The following SSX2IP variants were observed in gnomAD, a reference collection of about 807,000 sequenced individuals.
SSX2IP encodes the protein afadin- and alpha-actinin-binding protein.
SSX2IP carries 55 observed loss-of-function variants against 84.9 expected under a neutral mutation model. The observed-to-expected ratio is 0.65, with a 90% CI of 0.52 to 0.81. The LOEUF (loss-of-function observed/expected upper bound fraction) is 0.81, where lower values mean the gene tolerates loss of function less well. Ranked by LOEUF, SSX2IP falls within the 30% of genes least tolerant of loss-of-function variation. The pLI, the probability that SSX2IP is intolerant of heterozygous loss-of-function variation, is 0.00. For missense variants in SSX2IP, 664 were observed against 705.2 expected, an observed-to-expected ratio of 0.94 and a Z score of 0.66; for synonymous variants, 239 against 234.7, an observed-to-expected ratio of 1.02 and a Z score of -0.17.
intron 1 of SSX2IP, among the ~76,000 whole-genome samples, chr1:84,686,725 G>A (rs1655850727): frequency 6.6e-6 from 1 of 152,164 alleles, no homozygotes; most frequent in Admixed American, 6.6e-5. Context: ...AAAGCCAAGG[G>A]AGAAGACTTT....
intron 1 of SSX2IP, among the ~76,000 whole-genome samples, chr1:84,682,593 T>G (rs911704574): frequency 8.6e-5 from 13 of 151,522 alleles, no homozygotes; most frequent in African/African-American, 2.9e-4. Flanking sequence ...CAACCTCTGC[T>G]TCCTGGGTTC....
chr1:84,670,039 T>G, intron 3 of SSX2IP, 146 bp from the exon 4 acceptor site: 2 of 587,456 alleles, frequency 3.4e-6, no homozygotes, highest in Non-Finnish European at 3.0e-6. Flanking sequence ...ACGTACTATA[T>G]TCCTGAAATT....
At chr1:84,663,461 A>C (rs2102345029) in intron 6 of SSX2IP, among the ~76,000 whole-genome samples, 1 of 152,318 alleles carries the variant, frequency 6.6e-6, no homozygotes, top group Middle Eastern at 3.4e-3. Flanking sequence ...AGTAAGATTA[A>C]CTCAGGATAC....
chr1:84,663,170 CT>C (rs1557492235), intron 6 of SSX2IP, among the ~76,000 whole-genome samples: 1 of 152,110 alleles, frequency 6.6e-6, no homozygotes, highest in Non-Finnish European at 1.5e-5. Context: ...GTAATATCTT[CT>C]GCTGCAGGTG....
At position 84,669,885 on chromosome 1, in the gene SSX2IP, A is replaced by G; in HGVS notation, c.222T>C (p.Thr74=). 1 of 1,612,508 alleles carries G rather than the reference A, an allele frequency of 6.2e-7. No homozygotes were observed. The highest frequency in any genetic ancestry group is 8.5e-7 in the Non-Finnish European group (1 of 1,179,114). The part of the protein sequence containing the change: ...QSISYLDQEL[T]TFGFPSLYEE... ...CATATAATGAAGGAAAACCAAAAGT[A>G]GTCAATTCCTGGTAGGAGAAAATGT... is the stretch of plus-strand genomic sequence containing the variant. Residue 74 remains threonine (T), a synonymous_variant, in exon 4 of 14, where the codon ACT becomes ACC. Coordinates refer to ENST00000342203, the MANE Select transcript of SSX2IP (RefSeq NM_001166293.2).
At chr1:84,670,565 G>T in intron 3 of SSX2IP, 81 bp downstream of exon 3, 1 of 1,032,602 alleles carries the variant, frequency 9.7e-7, no homozygotes, top group Non-Finnish European at 1.4e-6. Flanking sequence ...ACTTGTGTTT[G>T]ACAAATGTTT....
At chr1:84,679,321 AC>A (rs1654771606) in intron 1 of SSX2IP, among the ~76,000 whole-genome samples, 1 of 152,216 alleles carries the variant, frequency 6.6e-6, no homozygotes, top group South Asian at 2.1e-4. Context: ...GTACAGAAAC[AC>A]ATTAAGTCCA....
At chr1:84,659,932 A>G (rs1221257242) in intron 8 of SSX2IP, among the ~76,000 whole-genome samples, 1 of 152,168 alleles carries the variant, frequency 6.6e-6, no homozygotes, top group Non-Finnish European at 1.5e-5. Flanking sequence ...ACACTTTGTG[A>G]GGCCAAGGTG....
chr1:84,687,988 T>C (rs1307606714), intron 1 of SSX2IP, among the ~76,000 whole-genome samples: 2 of 152,228 alleles, frequency 1.3e-5, no homozygotes, highest in South Asian at 2.1e-4. Flanking sequence ...GAGGTTTTTT[T>C]GCTTCCTGCC....
intron 6 of SSX2IP, among the ~76,000 whole-genome samples, chr1:84,663,232 T>G (rs1270197190): frequency 6.6e-6 from 1 of 152,146 alleles, no homozygotes; most frequent in Non-Finnish European, 1.5e-5. Flanking sequence ...TATTATAATC[T>G]TAGAGTTAAT....
rs962727704 is a variant in SSX2IP at position 84,677,103 on chromosome 1, T to C, written c.-89-5795A>G. On this transcript the variant is annotated intron_variant, in intron 1 of 13. Transcript: ENST00000342203. Reference sequence around the variant, plus strand: ...TCGTGCATGCACATCCAACTGAAAATAGAATATAATCAAAATGATTTCCAC... The same window carrying C: ...TCGTGCATGCACATCCAACTGAAAACAGAATATAATCAAAATGATTTCCAC... Among the ~76,000 whole-genome samples the C allele has an allele frequency of 2.6e-5, 4 of 152,158 alleles. No homozygotes were observed. In the South Asian group the frequency reaches 6.2e-4, roughly 24 times the overall value.
intron 1 of SSX2IP, among the ~76,000 whole-genome samples, chr1:84,683,932 G>GA (rs534959065): frequency 1.8e-4 from 28 of 151,528 alleles, no homozygotes; most frequent in African/African-American, 6.3e-4. Context: ...TAAGAAACAA[G>GA]AAAAAAAAGA....
chr1:84,668,997 G>A (rs1234500380), intron 4 of SSX2IP, among the ~76,000 whole-genome samples: 1 of 151,806 alleles, frequency 6.6e-6, no homozygotes, highest in Non-Finnish European at 1.5e-5. Context: ...ACAACTATAA[G>A]TCCCAACCAC....
intron 2 of SSX2IP, 32 bp downstream of exon 2, chr1:84,671,145 G>T: frequency 6.3e-7 from 1 of 1,598,032 alleles, no homozygotes; most frequent in Non-Finnish European, 8.5e-7. Flanking sequence ...TACAGTTTCT[G>T]CTTTTGTTTA....
chr1:84,686,714 G>A (rs180699732), intron 1 of SSX2IP, among the ~76,000 whole-genome samples: 33 of 152,276 alleles, frequency 2.2e-4, no homozygotes, highest in African/African-American at 7.9e-4. Flanking sequence ...CGGACTTCAG[G>A]AAAGCCAAGG....
rs1442626490 is a variant in SSX2IP at position 84,643,928 on chromosome 1, ATAATT to A, written c.*3500_*3504del. ...AGTCATTTGATTTCATATAAATCAA[ATAATT>A]TAATCAATATCCACCCACTCTAATT... is the stretch of plus-strand genomic sequence containing the variant. On this transcript the variant is annotated 3_prime_UTR_variant, in exon 14 of 14. Transcript: ENST00000342203. 6.6e-6 allele frequency: 1 copy of A among 152,226 alleles called. No individual in the cohort carries two copies. The highest frequency in any genetic ancestry group is 6.5e-5 in the Admixed American group (1 of 15,280). 9.4% of individuals were successfully genotyped at this position (152,226 alleles called of 1,614,324 possible).
intron 1 of SSX2IP, among the ~76,000 whole-genome samples, chr1:84,688,514 G>GTA (rs1469222085): frequency 6.6e-6 from 1 of 152,156 alleles, no homozygotes; most frequent in Admixed American, 6.5e-5. Flanking sequence ...TTCTCTAGGG[G>GTA]TATACTACAT....
intron 3 of SSX2IP, 82 bp from the exon 4 acceptor site, chr1:84,669,975 G>T: frequency 2.1e-6 from 2 of 961,986 alleles, no homozygotes; most frequent in Non-Finnish European, 3.1e-6. Context: ...AGTTAGATAG[G>T]AAGAATAAGT....
At chr1:84,662,793 G>C (rs1437392538) in intron 6 of SSX2IP, among the ~76,000 whole-genome samples, 1 of 152,140 alleles carries the variant, frequency 6.6e-6, no homozygotes, top group Non-Finnish European at 1.5e-5. Flanking sequence ...AGAAGACAAA[G>C]AAATAACTAT....
Sources: allele counts gnomAD v4.1 joint callset (sites outside exome capture counted in the v4.1 genomes callset), GRCh38; gene constraint gnomAD v4.1.1; transcripts MANE v1.5; gene names NCBI Gene and HGNC (gene_info 2026-07-23, HGNC 2026-07-21).